Variants in AIM2 observed in about 807,000 individuals in gnomAD.
The protein encoded by AIM2 is absent in melanoma 2.
A neutral mutation model predicts 27.7 loss-of-function variants in AIM2; 30 were observed. That is an observed-to-expected ratio of 1.08 (90% CI 0.81 to 1.47). AIM2 has a LOEUF of 1.47. Ranked by LOEUF, AIM2 falls within the 40% of genes most tolerant of loss-of-function variation. The probability of loss-of-function intolerance (pLI) is 0.00; values close to 1 mark genes in which losing one functional copy is unlikely to be tolerated. For missense variants in AIM2, 358 were observed against 411.3 expected, an observed-to-expected ratio of 0.87 and a Z score of 1.12; for synonymous variants, 141 against 145.3, an observed-to-expected ratio of 0.97 and a Z score of 0.21.
At chr1:159,090,299 T>G (rs991150561) in intron 1 of AIM2, among the ~76,000 whole-genome samples, 2 of 152,270 alleles carry the variant, frequency 1.3e-5, no homozygotes, top group African/African-American at 4.8e-5. Flanking sequence ...TTCAGTCATA[T>G]TCACAAATAC....
chr1:159,081,418 T>A (rs1354847590), upstream of AIM2: 1 of 381,740 alleles, frequency 2.6e-6, no homozygotes, highest in Non-Finnish European at 5.2e-6. Flanking sequence ...CCTGAAATAA[T>A]GCTTGTCAGG....
intron 1 of AIM2, among the ~76,000 whole-genome samples, chr1:159,138,230 T>C (rs1648047845): frequency 6.6e-6 from 1 of 152,086 alleles, no homozygotes; most frequent in Admixed American, 6.5e-5. Flanking sequence ...CAAACTCTAA[T>C]CCCAACTCTT....
chr1:159,108,673 T>G (rs1557907453), intron 1 of AIM2, among the ~76,000 whole-genome samples: 1 of 152,200 alleles, frequency 6.6e-6, no homozygotes, highest in Non-Finnish European at 1.5e-5. Flanking sequence ...CTCCTAGAAC[T>G]GATGAAATAA....
chr1:159,075,534 T>TACACACACAC lies in AIM2; in HGVS notation c.-21+1089_-21+1098dup, dbSNP rs55988373. 2.6e-3 allele frequency among the ~76,000 whole-genome samples: 343 copies of TACACACACAC among 129,524 alleles called. 3 individuals carry two copies. The highest frequency in any genetic ancestry group is 9.5e-3 in the African/African-American group (326 of 34,170). The allele number at this position is 129,524 out of a possible 152,430, so 85.0% of individuals were successfully genotyped here. On this transcript the variant is annotated intron_variant, in intron 1 of 5. Transcript: ENST00000368130. The stretch of plus-strand genomic sequence containing the variant: ...GCAAAAACTGGGCAGATACCTGCAA[T>TACACACACAC]ACACACACACACACACACACACACA...
the AIM2 span, among the ~76,000 whole-genome samples, chr1:159,056,437 A>G: frequency 6.6e-6 from 1 of 152,012 alleles, no homozygotes; most frequent in Admixed American, 6.6e-5. Flanking sequence ...AAGGATAAGG[A>G]CAAAGACCGA....
intron 1 of AIM2, among the ~76,000 whole-genome samples, chr1:159,123,842 C>T (rs13375188): frequency 0.059 from 9,042 of 152,192 alleles, 875 homozygotes; most frequent in African/African-American, 0.21. Flanking sequence ...CACATATAGT[C>T]AAAAGAAGAC....
At chr1:159,064,508 A>G (rs1192432893) in intron 4 of AIM2, among the ~76,000 whole-genome samples, 1 of 152,236 alleles carries the variant, frequency 6.6e-6, no homozygotes, top group Non-Finnish European at 1.5e-5. Flanking sequence ...TCTTTCACCC[A>G]GGCTGGAGTG....
At chr1:159,105,037 A>G (rs1005635941) in intron 1 of AIM2, among the ~76,000 whole-genome samples, 4 of 152,168 alleles carry the variant, frequency 2.6e-5, no homozygotes, top group African/African-American at 7.2e-5. Context: ...CCACCCACTC[A>G]GCCTGGCAGG....
upstream of AIM2, among the ~76,000 whole-genome samples, chr1:159,142,333 A>G (rs1209542217): frequency 1.3e-5 from 2 of 152,220 alleles, no homozygotes; most frequent in African/African-American, 4.8e-5. Flanking sequence ...AGAATTAAGC[A>G]TGGGAGTGAA....
upstream of AIM2, chr1:159,081,116 C>A: frequency 4.3e-6 from 1 of 230,202 alleles, no homozygotes; most frequent in Non-Finnish European, 9.8e-6. Flanking sequence ...ATAAATATCA[C>A]AGTGAATCAT....
At chr1:159,139,931 G>A (rs1486088307) in intron 1 of AIM2, among the ~76,000 whole-genome samples, 1 of 152,132 alleles carries the variant, frequency 6.6e-6, no homozygotes, top group Non-Finnish European at 1.5e-5. Flanking sequence ...AATTCTCATG[G>A]TTAAGCACCT....
chr1:159,068,465 T>C, intron 3 of AIM2, 103 bp downstream of exon 3: 1 of 1,445,818 alleles, frequency 6.9e-7, no homozygotes, highest in Non-Finnish European at 9.2e-7. Context: ...CTTGCTTCCC[T>C]TATTTGCATG....
the AIM2 span, among the ~76,000 whole-genome samples, chr1:159,057,313 C>T: frequency 6.6e-6 from 1 of 152,218 alleles, no homozygotes; most frequent in Non-Finnish European, 1.5e-5. Flanking sequence ...TGCATGGACT[C>T]TTTATCATAA....
At chr1:159,108,988 A>G (rs531861773) in intron 1 of AIM2, among the ~76,000 whole-genome samples, 5 of 152,200 alleles carry the variant, frequency 3.3e-5, no homozygotes, top group Non-Finnish European at 7.3e-5. Flanking sequence ...CTACAAATTC[A>G]ATCAATTCCC....
upstream of AIM2, among the ~76,000 whole-genome samples, chr1:159,142,530 C>G (rs553410427): frequency 1.3e-5 from 2 of 152,152 alleles, no homozygotes; most frequent in Non-Finnish European, 2.9e-5. Flanking sequence ...CTCTTTCCCC[C>G]ACCTTGCTCA....
rs1471578783 is a variant in AIM2 at position 159,068,787 on chromosome 1, A to T, written c.263-86T>A. On this transcript the variant is annotated intron_variant, in intron 2 of 5. Coordinates refer to ENST00000368130, the MANE Select transcript of AIM2 (RefSeq NM_004833.3). Reference sequence around the variant, plus strand: ...TCAAATGTCACCAGGAATAAATACTAAAACCATATTAAGATATCTTCAAGA... The same window carrying T: ...TCAAATGTCACCAGGAATAAATACTTAAACCATATTAAGATATCTTCAAGA... The T allele has an allele frequency of 3.7e-6, 5 of 1,336,584 alleles. No homozygotes were observed. The Admixed American group carries it at 1.2e-4, about 33-fold the overall frequency. 82.8% of individuals were successfully genotyped at this position (1,336,584 alleles called of 1,614,324 possible). A position where few individuals can be genotyped will look rare whatever the true frequency, so the allele number is the denominator to read the frequency against.
downstream of AIM2, among the ~76,000 whole-genome samples, chr1:159,061,942 T>C (rs1341839124): frequency 6.6e-6 from 1 of 152,242 alleles, no homozygotes; most frequent in African/African-American, 2.4e-5. Context: ...TGTAGAAGTT[T>C]TATGGTTTTA....
At chr1:159,080,984 C>G (rs1656763300), upstream of AIM2, 1 of 153,736 alleles carries the variant, frequency 6.5e-6, no homozygotes, top group Non-Finnish European at 1.5e-5. Context: ...AAATACATAA[C>G]TATTAGGGTA....
chr1:159,129,691 G>A (rs764168128), intron 1 of AIM2, among the ~76,000 whole-genome samples: 1 of 152,166 alleles, frequency 6.6e-6, no homozygotes, highest in Non-Finnish European at 1.5e-5. Context: ...CTGAATAAGA[G>A]GGGAACAACT....
Sources: gnomAD v4.1 joint callset for allele counts (sites outside exome capture counted in the v4.1 genomes callset) on GRCh38, gnomAD v4.1.1 for gene constraint, MANE v1.5 for transcripts, NCBI Gene and HGNC (gene_info 2026-07-23, HGNC 2026-07-21) for gene names.